ZBTB46: variants seen among roughly 807,000 people sequenced by gnomAD.
ZBTB46 encodes the protein zinc finger and BTB domain containing 46, also known as zinc finger and BTB domain-containing protein 46.
A neutral mutation model predicts 44.1 loss-of-function variants in ZBTB46; 8 were observed. That is an observed-to-expected ratio of 0.18 (90% CI 0.11 to 0.33). The LOEUF (loss-of-function observed/expected upper bound fraction) is 0.33, where lower values mean the gene tolerates loss of function less well. Ranked by LOEUF, ZBTB46 falls within the 10% of genes least tolerant of loss-of-function variation. ZBTB46 has a pLI of 1.00. For missense variants in ZBTB46, 651 were observed against 847.7 expected (o/e 0.77, Z 2.88); for synonymous variants, 409 against 382.3 (o/e 1.07, Z -0.81).
intron 1 of ZBTB46, among the ~76,000 whole-genome samples, chr20:63,810,625 A>G (rs889698102): frequency 6.6e-5 from 10 of 152,176 alleles, no homozygotes; most frequent in Non-Finnish European, 1.5e-5. Context: ...ACGCACCTAT[A>G]ATCCCAGCTA....
intron 1 of ZBTB46, among the ~76,000 whole-genome samples, chr20:63,798,685 A>AAAAACAAAAAAAAAAAAAC (rs2092621573): frequency 2.3e-5 from 3 of 127,888 alleles, no homozygotes; most frequent in African/African-American, 6.4e-5. Context: ...AAAAAAAAAA[A>AAAAACAAAAAAAAAAAAAC]AAAAAAAATT....
In ZBTB46 at chr20:63,752,960, G is replaced by A. The variant is rs930689701; in HGVS notation, c.1223-99C>T. 53 of 1,364,660 alleles carry A rather than the reference G, an allele frequency of 3.9e-5. No homozygotes were observed. Among genetic ancestry groups the A allele is most frequent in the South Asian group, 3.5e-4 (24 of 69,178 alleles). 84.5% of individuals were successfully genotyped at this position (1,364,660 alleles called of 1,614,324 possible). On this transcript the variant is annotated intron_variant, in intron 3 of 4. Coordinates refer to ENST00000245663, the MANE Select transcript of ZBTB46 (RefSeq NM_001369741.1). This position sits in a 1 kb window ranked among gnomAD's most constrained non-coding sequence, Gnocchi z 5.6. ...CACGCCGCAGCCCAGCAGCCAGGAC[G>A]GGCTGTCTCCCACGGCCACCCACTG...
chr20:63,810,718 T>C (rs1266123563), intron 1 of ZBTB46, among the ~76,000 whole-genome samples: 1 of 152,008 alleles, frequency 6.6e-6, no homozygotes, highest in East Asian at 1.9e-4. Context: ...TGCACTCCAG[T>C]CTGGGCAACA....
At chr20:63,756,575 T>A (rs939722620) in intron 3 of ZBTB46, among the ~76,000 whole-genome samples, 13 of 152,374 alleles carry the variant, frequency 8.5e-5, no homozygotes, top group Non-Finnish European at 1.2e-4. Context: ...CAAAAACGTT[T>A]TAAGCCTTAT....
At chr20:63,747,976 C>T (rs906754047) in intron 4 of ZBTB46, among the ~76,000 whole-genome samples, 1 of 152,236 alleles carries the variant, frequency 6.6e-6, no homozygotes, top group Non-Finnish European at 1.5e-5. Flanking sequence ...TGTACCCAGC[C>T]GTACAGGGAC....
chr20:63,830,277 G>C (rs1399892793), intron 1 of ZBTB46, among the ~76,000 whole-genome samples: 1 of 152,140 alleles, frequency 6.6e-6, no homozygotes, highest in African/African-American at 2.4e-5. Context: ...TTCCCCGTTT[G>C]CCTTAGGGAT....
chr20:63,803,483 G>A lies in ZBTB46; in HGVS notation c.-33-12693C>T, dbSNP rs2092662388. Reference sequence around the variant, plus strand: ...GTGAGCAAGTGGGTGCTGGCGATGAGGACTTTAGGTTTTCCACATGGCAGC... The same window carrying A: ...GTGAGCAAGTGGGTGCTGGCGATGAAGACTTTAGGTTTTCCACATGGCAGC... On this transcript the variant is annotated intron_variant, in intron 1 of 4. Coordinates refer to ENST00000245663, the MANE Select transcript of ZBTB46 (RefSeq NM_001369741.1). The surrounding 1 kb of genome is among the most constrained non-coding windows in gnomAD (Gnocchi z 4.0). 1 of 985,230 alleles carries A rather than the reference G, an allele frequency of 1.0e-6. No individual in the cohort carries two copies. The highest frequency in any genetic ancestry group is 1.2e-6 in the Non-Finnish European group (1 of 829,930). The allele number at this position is 985,230 out of a possible 1,614,324, so 61.0% of individuals were successfully genotyped here.
chr20:63,757,935 T>G (rs867763579), intron 3 of ZBTB46, among the ~76,000 whole-genome samples: 19 of 44,934 alleles, frequency 4.2e-4, no homozygotes, highest in South Asian at 8.2e-4. Flanking sequence ...CGTCCAGAGC[T>G]CACACTCCCT....
chr20:63,760,058 G>C (rs575683780), intron 3 of ZBTB46, among the ~76,000 whole-genome samples: 1 of 152,190 alleles, frequency 6.6e-6, no homozygotes, highest in African/African-American at 2.4e-5. Flanking sequence ...TTTAATAGTT[G>C]CACATCTCTG....
intron 4 of ZBTB46, among the ~76,000 whole-genome samples, chr20:63,748,553 CCT>C (rs759023729): frequency 7.6e-4 from 116 of 152,304 alleles, no homozygotes; most frequent in Non-Finnish European, 1.4e-3. Flanking sequence ...CAGCACAGCC[CCT>C]GTCTCTGCCC....
Position 63,803,547 on chromosome 20 carries a change from CGGCCCCGGGCTGCCCA to C in ZBTB46, c.-33-12773_-33-12758del, listed in dbSNP as rs1264034446. 1.6e-4 allele frequency: 154 copies of C among 979,358 alleles called. No individual in the cohort carries two copies. The Middle Eastern group carries it at 1.6e-3, about 10-fold the overall frequency. 60.7% of individuals were successfully genotyped at this position (979,358 alleles called of 1,614,324 possible). ...TCTGAAGATGCAAAGCCATGTCTGC[CGGCCCCGGGCTGCCCA>C]GGCCCCGGGCTGCCCAGGTCTCTGT... On this transcript the variant is annotated intron_variant, in intron 1 of 4. Transcript: ENST00000245663. The surrounding 1 kb of genome is among the most constrained non-coding windows in gnomAD (Gnocchi z 4.0).
intron 2 of ZBTB46, among the ~76,000 whole-genome samples, chr20:63,779,003 T>C (rs1315617365): frequency 1.3e-5 from 2 of 152,094 alleles, no homozygotes; most frequent in African/African-American, 4.8e-5. Context: ...AGGTGAGCCC[T>C]GGGGGCCCCT....
At chr20:63,826,845 G>A (rs1018829715) in intron 1 of ZBTB46, among the ~76,000 whole-genome samples, 1 of 152,224 alleles carries the variant, frequency 6.6e-6, no homozygotes, top group Non-Finnish European at 1.5e-5. Context: ...TGCTCCTCAT[G>A]CCTACCCCCA....
chr20:63,767,671 A>G lies in ZBTB46; in HGVS notation c.1222+8007T>C, dbSNP rs2092331642. Among the ~76,000 whole-genome samples the G allele has an allele frequency of 6.6e-6, 1 of 152,112 alleles. No homozygotes were observed. The highest frequency in any genetic ancestry group is 1.5e-5 in the Non-Finnish European group (1 of 67,988). ...AGAGGCACCCGCAGTTCTGTCCCAA[A>G]CCACTTCCAGCAGGGGAGGTGCCTT... On this transcript the variant is annotated intron_variant, in intron 3 of 4. Transcript: ENST00000245663. The surrounding 1 kb of genome is among the most constrained non-coding windows in gnomAD (Gnocchi z 5.0).
At chr20:63,761,781 CA>C (rs35095876) in intron 3 of ZBTB46, among the ~76,000 whole-genome samples, 139 of 126,526 alleles carry the variant, frequency 1.1e-3, no homozygotes, top group East Asian at 6.1e-3. Context: ...GACTCTGCCT[CA>C]AAAAAAAAAA....
At chr20:63,827,565 G>A (rs1207404072) in intron 1 of ZBTB46, among the ~76,000 whole-genome samples, 3 of 146,620 alleles carry the variant, frequency 2.0e-5, no homozygotes, top group African/African-American at 5.1e-5. Context: ...CCGAGATTGC[G>A]CCACTGCAGT....
At chr20:63,785,279 G>T (rs940913626) in intron 2 of ZBTB46, among the ~76,000 whole-genome samples, 1 of 150,788 alleles carries the variant, frequency 6.6e-6, no homozygotes, top group Non-Finnish European at 1.5e-5. Context: ...GGGACTTTGT[G>T]GCCCGGCACA....
intron 3 of ZBTB46, among the ~76,000 whole-genome samples, chr20:63,757,899 A>G (rs1445225941): frequency 4.9e-5 from 3 of 61,672 alleles, no homozygotes; most frequent in African/African-American, 1.9e-4. Flanking sequence ...CCGCCCATCC[A>G]GAGCTCACAC....
intron 2 of ZBTB46, among the ~76,000 whole-genome samples, chr20:63,786,355 G>A (rs1443553173): frequency 6.6e-6 from 1 of 152,168 alleles, no homozygotes; most frequent in African/African-American, 2.4e-5. Context: ...TGTACCAACG[G>A]GGGATCCAAA....
Sources: gnomAD v4.1 joint callset for allele counts (sites outside exome capture counted in the v4.1 genomes callset) on GRCh38, gnomAD v4.1.1 for gene constraint, Gnocchi (gnomAD v3.1) non-coding constraint, MANE v1.5 for transcripts, NCBI Gene and HGNC (gene_info 2026-07-23, HGNC 2026-07-21) for gene names.